Variants in AJAP1 observed in about 807,000 individuals in gnomAD.
AJAP1 encodes adherens junctions associated protein 1.
AJAP1 carries 5 observed loss-of-function variants against 35.0 expected under a neutral mutation model. The observed-to-expected ratio is 0.14, with a 90% CI of 0.07 to 0.30. The LOEUF is 0.30. Among genes scored for constraint, AJAP1 ranks in the 10% least tolerant of loss-of-function variants. AJAP1 has a pLI of 1.00. For synonymous variants in AJAP1, 284 were observed against 249.3 expected, an observed-to-expected ratio of 1.14 and a Z score of -1.31; for missense variants, 586 against 571.0, an observed-to-expected ratio of 1.03 and a Z score of -0.27.
chr1:4,681,590 C>T (rs1234661223), intron 1 of AJAP1, among the ~76,000 whole-genome samples: 1 of 152,222 alleles, frequency 6.6e-6, no homozygotes, highest in African/African-American at 2.4e-5. Flanking sequence ...ACAGCTGGGG[C>T]AGAGAGCACA....
intron 2 of AJAP1, among the ~76,000 whole-genome samples, chr1:4,767,600 TATC>T (rs928333129): frequency 1.7e-5 from 2 of 118,882 alleles, no homozygotes; most frequent in South Asian, 2.7e-4. Flanking sequence ...CCATCACCAT[TATC>T]ATCATCACCA....
At chr1:4,771,814 C>T in intron 3 of AJAP1, among the ~76,000 whole-genome samples, 1 of 152,142 alleles carries the variant, frequency 6.6e-6, no homozygotes, top group Non-Finnish European at 1.5e-5. Context: ...CATCAGCTTT[C>T]CCCAAAGACA....
chr1:4,679,500 G>C (rs1557605673), intron 1 of AJAP1, among the ~76,000 whole-genome samples: 1 of 152,190 alleles, frequency 6.6e-6, no homozygotes, highest in East Asian at 1.9e-4. Flanking sequence ...CCACCATAAA[G>C]TACTACAAAC....
intron 1 of AJAP1, among the ~76,000 whole-genome samples, chr1:4,659,811 G>A (rs1638962936): frequency 6.6e-6 from 1 of 152,202 alleles, no homozygotes; most frequent in African/African-American, 2.4e-5. Context: ...CAGGATGGAA[G>A]CACCATTCCA....
intron 1 of AJAP1, among the ~76,000 whole-genome samples, chr1:4,705,219 C>T (rs1304430093): frequency 6.6e-6 from 1 of 151,848 alleles, no homozygotes; most frequent in Non-Finnish European, 1.5e-5. Flanking sequence ...TTCCTTACAC[C>T]TTATACAAAA....
intron 1 of AJAP1, among the ~76,000 whole-genome samples, chr1:4,677,586 G>T (rs1218766589): frequency 6.8e-6 from 1 of 147,536 alleles, no homozygotes; most frequent in African/African-American, 2.6e-5. Context: ...AGGGAAGGAA[G>T]GATTAAAAAA....
intron 5 of AJAP1, among the ~76,000 whole-genome samples, chr1:4,781,707 G>GA (rs1208174008): frequency 6.6e-6 from 1 of 152,246 alleles, no homozygotes; most frequent in African/African-American, 2.4e-5. Context: ...CCATCCCTGT[G>GA]ACGGAGATGC....
chr1:4,726,474 T>C (rs1180630016), intron 2 of AJAP1, among the ~76,000 whole-genome samples: 3 of 150,800 alleles, frequency 2.0e-5, no homozygotes, highest in Non-Finnish European at 4.4e-5. Flanking sequence ...GCTTCTGGGG[T>C]GGTGTGGGTG....
Position 4,772,505 on chromosome 1 carries a change from A to T in AJAP1, c.1143A>T (p.Lys381Asn). The change falls in exon 4 of 6, where the codon AAA becomes AAT. Residue 381 changes from lysine to asparagine, a missense_variant. Lys to Asn is a moderately conservative substitution (Grantham distance 94). Transcript: ENST00000378191. The stretch of plus-strand genomic sequence containing the variant: ...TGCACTCGACGACGGGGGAGTACAA[A>T]TCCACATTTAATGGAAACCGGTAAG... ...ETLHSTTGEY[K>N]STFNGNRPSS... The T allele has an allele frequency of 1.2e-6, 2 of 1,614,084 alleles. No homozygotes were observed. The highest frequency in any genetic ancestry group is 2.2e-5 in the South Asian group (2 of 91,072).
intron 1 of AJAP1, among the ~76,000 whole-genome samples, chr1:4,657,158 A>G (rs1430292791): frequency 6.6e-6 from 1 of 152,206 alleles, no homozygotes; most frequent in Non-Finnish European, 1.5e-5. Flanking sequence ...TGATAAAGGG[A>G]GAGAAGAGCA....
intron 5 of AJAP1, among the ~76,000 whole-genome samples, chr1:4,774,761 G>A (rs6674631): frequency 0.028 from 4,184 of 152,050 alleles, 141 homozygotes; most frequent in African/African-American, 0.082. Flanking sequence ...TGCCCTCCCC[G>A]TCCCAGGGGA....
chr1:4,730,638 C>A (rs1026595879), intron 2 of AJAP1, among the ~76,000 whole-genome samples: 1 of 152,228 alleles, frequency 6.6e-6, no homozygotes, highest in Non-Finnish European at 1.5e-5. Flanking sequence ...ACCCCCAGGC[C>A]ACCTTTCAGA....
chr1:4,706,871 C>T (rs1009059196), intron 1 of AJAP1, among the ~76,000 whole-genome samples: 4 of 152,172 alleles, frequency 2.6e-5, no homozygotes, highest in Admixed American at 2.6e-4. Context: ...GGAAGAGAAG[C>T]AAGAAAGCCA....
chr1:4,688,649 GC>G (rs1368218929), intron 1 of AJAP1, among the ~76,000 whole-genome samples: 1 of 151,634 alleles, frequency 6.6e-6, no homozygotes, highest in Non-Finnish European at 1.5e-5. Context: ...GCGTGCACCT[GC>G]AATCCCAGCT....
intron 2 of AJAP1, among the ~76,000 whole-genome samples, chr1:4,716,744 G>A (rs1034545027): frequency 6.6e-6 from 1 of 151,628 alleles, no homozygotes; most frequent in Non-Finnish European, 1.5e-5. Context: ...AGATGATGAT[G>A]ATAATAGAGA....
chr1:4,734,281 A>G lies in AJAP1; in HGVS notation c.829+21582A>G, dbSNP rs1200440160. Among the ~76,000 whole-genome samples, 4 of 152,194 alleles carry G rather than the reference A, an allele frequency of 2.6e-5. No individual in the cohort carries two copies. The highest frequency in any genetic ancestry group is 4.4e-5 in the Non-Finnish European group (3 of 68,036). On this transcript the variant is annotated intron_variant, in intron 2 of 5. Transcript: ENST00000378191. The surrounding 1 kb of genome is among the most constrained non-coding windows in gnomAD (Gnocchi z 4.3). Reference sequence around the variant, plus strand: ...GCCCTACTGAGCCTCCTGCCTCACTATTAACAGCGCTGCGTCCATACTGGG... The same window carrying G: ...GCCCTACTGAGCCTCCTGCCTCACTGTTAACAGCGCTGCGTCCATACTGGG...
chr1:4,745,493 A>T (rs1054545895), intron 2 of AJAP1, among the ~76,000 whole-genome samples: 1 of 152,136 alleles, frequency 6.6e-6, no homozygotes, highest in African/African-American at 2.4e-5. Context: ...CGCTCCACAG[A>T]AGGAGGGGGC....
At position 4,692,370 on chromosome 1, in the gene AJAP1, C is replaced by T. The variant is rs1639761372; in HGVS notation, c.30-19530C>T. 6.6e-6 allele frequency among the ~76,000 whole-genome samples: 1 copy of T among 152,148 alleles called. No homozygotes were observed. The highest frequency in any genetic ancestry group is 1.5e-5 in the Non-Finnish European group (1 of 68,012). On this transcript the variant is annotated intron_variant, in intron 1 of 5. Transcript: ENST00000378191. The surrounding 1 kb of genome is among the most constrained non-coding windows in gnomAD (Gnocchi z 4.4). ...CTTTCCCTTCTGGCCTCTCAGCCTG[C>T]AGGAGAGGCTGGGGGGCACGTCTGA...
chr1:4,710,495 A>G (rs913991765), intron 1 of AJAP1, among the ~76,000 whole-genome samples: 1 of 152,126 alleles, frequency 6.6e-6, no homozygotes, highest in African/African-American at 2.4e-5. Flanking sequence ...CTACACGCAC[A>G]CACTCACACA....
Sources: gnomAD v4.1 joint callset for allele counts (sites outside exome capture counted in the v4.1 genomes callset) on GRCh38, gnomAD v4.1.1 for gene constraint, Gnocchi (gnomAD v3.1) non-coding constraint, MANE v1.5 for transcripts, NCBI Gene and HGNC (gene_info 2026-07-23, HGNC 2026-07-21) for gene names.